Variants in RBFOX1 observed in about 807,000 individuals in gnomAD.
The protein encoded by RBFOX1 is RNA binding fox-1 homolog 1.
Under a neutral mutation model 57.7 loss-of-function variants are expected in RBFOX1, and 8 were observed. The ratio of observed to expected loss-of-function variants is 0.14; its 90% CI spans 0.08 to 0.25. The LOEUF (loss-of-function observed/expected upper bound fraction) is 0.25. Ranked by LOEUF, RBFOX1 falls within the 10% of genes least tolerant of loss-of-function variation. The pLI, the probability that RBFOX1 is intolerant of heterozygous loss-of-function variation, is 1.00. For missense variants in RBFOX1, 611 were observed against 548.5 expected, an observed-to-expected ratio of 1.11 and a Z score of -1.14; for synonymous variants, 326 against 222.4, an observed-to-expected ratio of 1.47 and a Z score of -4.15.
chr16:7,106,984 A>AAAAACAC (rs529197707), intron 4 of RBFOX1, among the ~76,000 whole-genome samples: 6,140 of 148,596 alleles, frequency 0.041, 170 homozygotes, highest in Middle Eastern at 0.07. Context: ...ACACAGTTAA[A>AAAAACAC]ACACACACAC....
intron 2 of RBFOX1, among the ~76,000 whole-genome samples, chr16:6,612,194 C>G (rs2098069738): frequency 6.6e-6 from 1 of 152,060 alleles, no homozygotes; most frequent in Non-Finnish European, 1.5e-5. Context: ...GAATTTTAGA[C>G]TCAGGGTAAG....
intron 1 of RBFOX1, among the ~76,000 whole-genome samples, chr16:5,461,889 A>G (rs185784988): frequency 1.3e-5 from 2 of 152,314 alleles, no homozygotes; most frequent in East Asian, 3.9e-4. Flanking sequence ...CATAGAGTCT[A>G]AAGAGAAGGG....
At chr16:6,882,069 A>G (rs1009335584) in intron 3 of RBFOX1, among the ~76,000 whole-genome samples, 3 of 152,174 alleles carry the variant, frequency 2.0e-5, no homozygotes, top group African/African-American at 7.2e-5. Context: ...TTCCTGCTTA[A>G]TATTTCAGTG....
At chr16:6,289,680 A>G (rs965845966) in intron 1 of RBFOX1, among the ~76,000 whole-genome samples, 1 of 152,180 alleles carries the variant, frequency 6.6e-6, no homozygotes, top group Non-Finnish European at 1.5e-5. Flanking sequence ...AAGAAGATGC[A>G]TTGAGCAATA....
chr16:6,951,484 G>C lies in RBFOX1; in HGVS notation c.-15-100573G>C, dbSNP rs901266776. 4.6e-5 allele frequency among the ~76,000 whole-genome samples: 7 copies of C among 152,172 alleles called. 1 individual carries two copies. Among genetic ancestry groups the C allele is most frequent in the Admixed American group, 1.3e-4 (2 of 15,278 alleles). Reference sequence around the variant, plus strand: ...TTTTATATAGTTACATAGTGGCTGAGTCTGGGGTGGTTTTTTACTCATAAG... The same window carrying C: ...TTTTATATAGTTACATAGTGGCTGACTCTGGGGTGGTTTTTTACTCATAAG... On this transcript the variant is annotated intron_variant, in intron 3 of 15. Coordinates refer to ENST00000550418, the MANE Select transcript of RBFOX1 (RefSeq NM_018723.4).
rs1049656673 is a variant in RBFOX1 at position 6,027,441 on chromosome 16, C to G, written c.-127+7449C>G. On this transcript the variant is annotated intron_variant, in intron 1 of 15. Transcript: ENST00000550418. ...GCAGTGCAGGTATTTCACTGAGATT[C>G]CAGAATCAGTGTGTCTGGCTTGAGA... Among the ~76,000 whole-genome samples, 6 of 152,270 alleles carry G rather than the reference C, an allele frequency of 3.9e-5. No homozygotes were observed. The South Asian group carries it at 1.0e-3, about 26-fold the overall frequency.
At chr16:6,052,377 C>G (rs2095561276) in intron 1 of RBFOX1, among the ~76,000 whole-genome samples, 1 of 152,196 alleles carries the variant, frequency 6.6e-6, no homozygotes, top group Non-Finnish European at 1.5e-5. Context: ...ATGACTTCCA[C>G]TGACCTTGGC....
At chr16:7,496,727 A>G (rs893433187) in intron 4 of RBFOX1, among the ~76,000 whole-genome samples, 11 of 140,206 alleles carry the variant, frequency 7.8e-5, no homozygotes, top group African/African-American at 2.9e-4. Context: ...CAGTGTTCTC[A>G]TAGAAAAGAC....
intron 1 of RBFOX1, among the ~76,000 whole-genome samples, chr16:6,029,590 G>A (rs1371986881): frequency 3.3e-5 from 5 of 151,568 alleles, no homozygotes; most frequent in Admixed American, 2.0e-4. Context: ...TGGCTAACAT[G>A]GTGAAACCCC....
At chr16:6,891,469 G>T (rs1426315788) in intron 3 of RBFOX1, among the ~76,000 whole-genome samples, 2 of 147,558 alleles carry the variant, frequency 1.4e-5, no homozygotes, top group East Asian at 1.9e-4. Flanking sequence ...ACACACTAGA[G>T]AGAGAGAGAG....
intron 2 of RBFOX1, among the ~76,000 whole-genome samples, chr16:6,488,265 C>T (rs911829550): frequency 6.6e-6 from 1 of 152,146 alleles, no homozygotes; most frequent in Non-Finnish European, 1.5e-5. Flanking sequence ...GTGAGGAAAT[C>T]AGTTGTTGTC....
intron 3 of RBFOX1, among the ~76,000 whole-genome samples, chr16:6,881,625 T>C (rs2062952423): frequency 6.6e-6 from 1 of 152,172 alleles, no homozygotes; most frequent in Non-Finnish European, 1.5e-5. Context: ...TTTAACTTGA[T>C]TCCCTCTGCA....
intron 3 of RBFOX1, among the ~76,000 whole-genome samples, chr16:5,767,798 C>G (rs924926020): frequency 6.6e-6 from 1 of 152,118 alleles, no homozygotes; most frequent in Non-Finnish European, 1.5e-5. Context: ...CTCAGCAGTA[C>G]CAAAATGAGG....
At chr16:7,361,976 AGT>A (rs1381672211) in intron 4 of RBFOX1, among the ~76,000 whole-genome samples, 2 of 147,990 alleles carry the variant, frequency 1.4e-5, no homozygotes, top group South Asian at 4.3e-4. Context: ...TGTGTATGCC[AGT>A]GTGTGTATGT....
chr16:6,017,370 C>A (rs192620110), upstream of RBFOX1, among the ~76,000 whole-genome samples: 9 of 152,200 alleles, frequency 5.9e-5, no homozygotes, highest in African/African-American at 2.2e-4. Flanking sequence ...TTTTACAACC[C>A]ATCTCATCTC....
At chr16:6,483,398 T>G in intron 2 of RBFOX1, 3 of 1,531,500 alleles carry the variant, frequency 2.0e-6, no homozygotes, top group South Asian at 2.4e-5. Context: ...ATGACTGGAG[T>G]CATTTACATT....
chr16:5,794,981 G>C (rs1032811362), intron 3 of RBFOX1, among the ~76,000 whole-genome samples: 2 of 152,174 alleles, frequency 1.3e-5, no homozygotes, highest in African/African-American at 4.8e-5. Context: ...TTGAGAAGGA[G>C]TCACATTCAA....
At chr16:7,162,743 C>T (rs895577081) in intron 4 of RBFOX1, among the ~76,000 whole-genome samples, 2 of 151,798 alleles carry the variant, frequency 1.3e-5, no homozygotes, top group Non-Finnish European at 2.9e-5. Context: ...AAAAATAATC[C>T]AGATTTCATG....
chr16:7,089,787 C>A (rs530867224), intron 4 of RBFOX1, among the ~76,000 whole-genome samples: 1 of 152,268 alleles, frequency 6.6e-6, no homozygotes, highest in South Asian at 2.1e-4. Flanking sequence ...TTCTCTCAGA[C>A]CAATGCATTT....
Sources: gnomAD v4.1 joint callset for allele counts (sites outside exome capture counted in the v4.1 genomes callset) on GRCh38, gnomAD v4.1.1 for gene constraint, MANE v1.5 for transcripts, NCBI Gene and HGNC (gene_info 2026-07-23, HGNC 2026-07-21) for gene names.